DGKB: variants seen among roughly 807,000 people sequenced by gnomAD.
DGKB encodes the protein 90 kDa diacylglycerol kinase.
Under a neutral mutation model 114.3 loss-of-function variants are expected in DGKB, and 67 were observed. The ratio of observed to expected loss-of-function variants is 0.59; its 90% confidence interval spans 0.48 to 0.72. The LOEUF (loss-of-function observed/expected upper bound fraction) is 0.72. Ranked by LOEUF, DGKB falls within the 30% of genes least tolerant of loss-of-function variation. The pLI, the probability that DGKB is intolerant of heterozygous loss-of-function variation, is 0.00. For missense variants in DGKB, 907 were observed against 975.2 expected (o/e 0.93, Z 0.93); for synonymous variants, 398 against 323.1 (o/e 1.23, Z -2.49).
intron 23 of DGKB, among the ~76,000 whole-genome samples, chr7:14,286,937 T>G (rs1220657615): frequency 1.3e-5 from 2 of 152,282 alleles, no homozygotes; most frequent in South Asian, 4.1e-4. Context: ...TTACATTACC[T>G]TTCCTATTGG....
intron 19 of DGKB, among the ~76,000 whole-genome samples, chr7:14,578,778 GT>G (rs571818301): frequency 5.1e-4 from 77 of 152,310 alleles, no homozygotes; most frequent in African/African-American, 1.8e-3. Context: ...AAATTAATCT[GT>G]TTTTGAAAAT....
At chr7:14,792,641 AT>A (rs1183165539) in intron 2 of DGKB, among the ~76,000 whole-genome samples, 9 of 152,206 alleles carry the variant, frequency 5.9e-5, no homozygotes, top group South Asian at 4.1e-4. Flanking sequence ...AAACAAAAAA[AT>A]ATCTGTTGAG....
At chr7:14,501,955 G>T (rs970864371) in intron 20 of DGKB, among the ~76,000 whole-genome samples, 33 of 151,938 alleles carry the variant, frequency 2.2e-4, no homozygotes, top group African/African-American at 7.7e-4. Context: ...GGTCTTGGAA[G>T]ATGGTGAGTA....
intron 23 of DGKB, among the ~76,000 whole-genome samples, chr7:14,185,775 C>A (rs971656967): frequency 2.0e-5 from 3 of 152,122 alleles, no homozygotes; most frequent in Non-Finnish European, 4.4e-5. Flanking sequence ...GGAAAGGACA[C>A]CCTTTTTAAC....
chr7:14,579,741 T>C lies in DGKB; in HGVS notation c.1609+1121A>G, dbSNP rs1449656146. 2.6e-5 allele frequency among the ~76,000 whole-genome samples: 4 copies of C among 152,104 alleles called. No individual in the cohort carries two copies. In the East Asian group the frequency reaches 5.8e-4, roughly 22 times the overall value. ...GCTAGTTGGTCAGATATTCATGGAA[T>C]TATTCTCCAACTTTGCCGTAAATCA... On this transcript the variant is annotated intron_variant, in intron 19 of 25. Coordinates refer to ENST00000402815, the MANE Select transcript of DGKB (RefSeq NM_001350709.2).
At chr7:14,301,534 G>T (rs1048228037) in intron 23 of DGKB, among the ~76,000 whole-genome samples, 2 of 152,110 alleles carry the variant, frequency 1.3e-5, no homozygotes, top group African/African-American at 4.8e-5. Context: ...CATAAGAGCA[G>T]TCAGTAATCT....
chr7:14,811,385 G>A (rs529253280), intron 2 of DGKB, among the ~76,000 whole-genome samples: 24 of 152,228 alleles, frequency 1.6e-4, no homozygotes, highest in African/African-American at 5.5e-4. Context: ...GTAACAGGAA[G>A]TTTTAATAAT....
intron 2 of DGKB, among the ~76,000 whole-genome samples, chr7:14,813,334 A>G (rs962923695): frequency 2.0e-5 from 3 of 152,220 alleles, no homozygotes; most frequent in Admixed American, 6.5e-5. Context: ...CCTATTTAGT[A>G]TACCTATGAG....
intron 1 of DGKB, among the ~76,000 whole-genome samples, chr7:14,846,241 A>T (rs937474985): frequency 6.6e-6 from 1 of 152,178 alleles, no homozygotes; most frequent in East Asian, 1.9e-4. Context: ...TCCAATACCA[A>T]AATGCTTTGA....
At chr7:14,824,745 G>A (rs10271713) in intron 2 of DGKB, among the ~76,000 whole-genome samples, 134,667 of 151,806 alleles carry the variant, frequency 0.89, 60,120 homozygotes, top group East Asian at 1. Flanking sequence ...AAATTATTAA[G>A]TTGATCTAGT....
chr7:14,625,972 T>C (rs537824470), intron 14 of DGKB, among the ~76,000 whole-genome samples: 3 of 152,286 alleles, frequency 2.0e-5, no homozygotes, highest in African/African-American at 2.4e-5. Context: ...GAATATATTG[T>C]ATTAGAATTC....
chr7:14,630,990 T>G (rs935660105), intron 13 of DGKB, among the ~76,000 whole-genome samples: 1 of 151,692 alleles, frequency 6.6e-6, no homozygotes, highest in African/African-American at 2.4e-5. Flanking sequence ...AATACAAATT[T>G]GGATAATTAG....
intron 5 of DGKB, among the ~76,000 whole-genome samples, chr7:14,726,071 A>T (rs1829984370): frequency 6.6e-6 from 1 of 152,152 alleles, no homozygotes; most frequent in African/African-American, 2.4e-5. Flanking sequence ...CAGAGGAGAG[A>T]ACAAGTTGCA....
At chr7:14,692,344 T>C (rs1163626185) in intron 9 of DGKB, among the ~76,000 whole-genome samples, 3 of 152,076 alleles carry the variant, frequency 2.0e-5, no homozygotes, top group Admixed American at 6.5e-5. Flanking sequence ...ATGCTTAGAA[T>C]ATACAAAGTT....
chr7:14,898,710 G>A (rs1021467954), intron 1 of DGKB, among the ~76,000 whole-genome samples: 1 of 151,920 alleles, frequency 6.6e-6, no homozygotes, highest in Non-Finnish European at 1.5e-5. Flanking sequence ...AATGAATCAG[G>A]GCCAACAATG....
At chr7:14,713,182 T>C (rs1027563428) in intron 6 of DGKB, among the ~76,000 whole-genome samples, 2 of 152,132 alleles carry the variant, frequency 1.3e-5, no homozygotes, top group African/African-American at 4.8e-5. Flanking sequence ...TATCCAAATT[T>C]TTTTTCCTTC....
intron 21 of DGKB, among the ~76,000 whole-genome samples, chr7:14,348,570 C>A (rs1812883486): frequency 6.6e-6 from 1 of 151,692 alleles, no homozygotes; most frequent in East Asian, 2.0e-4. Context: ...TGAGATATCA[C>A]CCCACACTTA....
At chr7:14,265,315 A>ATTTTTTTTTTT (rs1178230744) in intron 23 of DGKB, among the ~76,000 whole-genome samples, 5 of 40,510 alleles carry the variant, frequency 1.2e-4, no homozygotes, top group African/African-American at 5.6e-4. Flanking sequence ...TTTCTCTTGC[A>ATTTTTTTTTTT]TTCTTTTTTT....
At chr7:14,689,070 G>T (rs12334082) in intron 9 of DGKB, among the ~76,000 whole-genome samples, 3,235 of 151,566 alleles carry the variant, frequency 0.021, 105 homozygotes, top group African/African-American at 0.075. Context: ...CTTATATAGA[G>T]AGAGAGAGGA....
Sources: gnomAD v4.1 joint callset for allele counts (sites outside exome capture counted in the v4.1 genomes callset) on GRCh38, gnomAD v4.1.1 for gene constraint, MANE v1.5 for transcripts, NCBI Gene and HGNC (gene_info 2026-07-23, HGNC 2026-07-21) for gene names.